Variants in TERT observed in about 807,000 individuals in gnomAD.
TERT encodes telomerase catalytic subunit.
A neutral mutation model predicts 104.0 loss-of-function variants in TERT; 42 were observed. That is an observed-to-expected ratio of 0.40 (90% CI 0.32 to 0.52). The LOEUF (loss-of-function observed/expected upper bound fraction) is 0.52. Ranked by LOEUF, TERT falls within the 20% of genes least tolerant of loss-of-function variation. The probability of loss-of-function intolerance (pLI) is 0.43; values close to 1 mark genes in which losing one functional copy is unlikely to be tolerated. For missense variants in TERT, 1,101 were observed against 1,610.3 expected (o/e 0.68, Z 5.41); for synonymous variants, 781 against 725.6 (o/e 1.08, Z -1.23).
At chr5:1,271,234 G>A in intron 7 of TERT, 30 bp from the exon 8 acceptor site, 2 of 1,546,956 alleles carry the variant, frequency 1.3e-6, no homozygotes, top group African/African-American at 1.4e-5. Flanking sequence ...ACACATGGGA[G>A]TGAGCCGGTG....
intron 2 of TERT, among the ~76,000 whole-genome samples, chr5:1,285,171 C>T (rs1162726837): frequency 2.6e-5 from 3 of 115,564 alleles, no homozygotes; most frequent in Non-Finnish European, 5.4e-5. Context: ...TCCAGCTCAC[C>T]GAGGGCCTGG....
At position 1,255,030 on chromosome 5, in the gene TERT, A is replaced by G. The variant is rs538937193; in HGVS notation, c.3157+257T>C. On this transcript the variant is annotated intron_variant, in intron 14 of 15. Transcript: ENST00000310581. The surrounding 1 kb of genome is among the most constrained non-coding windows in gnomAD (Gnocchi z 6.9). ...TCCCACCATGGGGCAAACAGGAGAG[A>G]CCAGGCCCCCCAGCGCTTCCCCAGG... Among the ~76,000 whole-genome samples the G allele has an allele frequency of 6.6e-6, 1 of 152,160 alleles. No individual in the cohort carries two copies. The highest frequency in any genetic ancestry group is 1.9e-4 in the East Asian group (1 of 5,168).
At chr5:1,283,236 G>A (rs1157385437) in intron 2 of TERT, among the ~76,000 whole-genome samples, 8 of 136,872 alleles carry the variant, frequency 5.8e-5, no homozygotes, top group African/African-American at 1.1e-4. Context: ...ACCTCACCCC[G>A]GACCTGCACC....
At position 1,260,754 on chromosome 5, in the gene TERT, A is replaced by C. The variant is rs1428700373; in HGVS notation, c.2844-154T>G. On this transcript the variant is annotated intron_variant, in intron 11 of 15. Coordinates refer to ENST00000310581, the MANE Select transcript of TERT (RefSeq NM_198253.3). The stretch of plus-strand genomic sequence containing the variant: ...CCCGAGGGGGCTGGGTGCTCACTCC[A>C]TGGACTCCAAATGCTACATGCCATC... Among the ~76,000 whole-genome samples, 4 of 152,050 alleles carry C rather than the reference A, an allele frequency of 2.6e-5. No individual in the cohort carries two copies. In the East Asian group the frequency reaches 7.7e-4, roughly 29 times the overall value.
chr5:1,254,030 G>A (rs940974813), intron 15 of TERT, among the ~76,000 whole-genome samples, 199 bp from the exon 16 acceptor site: 4 of 152,206 alleles, frequency 2.6e-5, no homozygotes, highest in African/African-American at 9.6e-5. Flanking sequence ...GGCGGGGCGG[G>A]GAGAGAACTT....
chr5:1,272,418 G>A (rs1291606992), intron 6 of TERT, 138 bp from the exon 7 acceptor site: 3 of 847,000 alleles, frequency 3.5e-6, no homozygotes, highest in East Asian at 5.3e-5. Context: ...CGCCTGGGAA[G>A]CTTCTGTTTG....
chr5:1,264,745 A>C (rs978961855), intron 10 of TERT, among the ~76,000 whole-genome samples, 153 bp from the exon 11 acceptor site: 1 of 152,192 alleles, frequency 6.6e-6, no homozygotes, highest in East Asian at 1.9e-4. Context: ...GCCTGGACCC[A>C]GCCCTGCTCC....
In TERT at chr5:1,253,755, G is replaced by C. The variant is rs2126556860; in HGVS notation, c.3372C>G (p.Pro1124=). ...ALEAAANPAL[P]SDFKTILD ...AGTCCAGGATGGTCTTGAAGTCTGA[G>C]GGCAGTGCCGGGTTGGCTGCGGCCT... Residue 1124 remains proline (P), a synonymous_variant, in exon 16 of 16, where the codon CCC becomes CCG. Transcript: ENST00000310581. 1 of 1,612,138 alleles carries C rather than the reference G, an allele frequency of 6.2e-7. No homozygotes were observed. Among genetic ancestry groups the C allele is most frequent in the Non-Finnish European group, 8.5e-7 (1 of 1,179,796 alleles).
chr5:1,291,976 G>A (rs909553893), intron 2 of TERT, among the ~76,000 whole-genome samples: 1 of 152,214 alleles, frequency 6.6e-6, no homozygotes, highest in Non-Finnish European at 1.5e-5. Context: ...GGCAGCTGCC[G>A]TTCGATGGGT....
rs897032272 is a variant in TERT at position 1,255,178 on chromosome 5, G to C, written c.3157+109C>G. 4 of 1,449,036 alleles carry C rather than the reference G, an allele frequency of 2.8e-6. No homozygotes were observed. The highest frequency in any genetic ancestry group is 3.8e-6 in the Non-Finnish European group (4 of 1,058,182). The allele number at this position is 1,449,036 out of a possible 1,614,324, so 89.8% of individuals were successfully genotyped here. On this transcript the variant is annotated intron_variant, in intron 14 of 15. Coordinates refer to ENST00000310581, the MANE Select transcript of TERT (RefSeq NM_198253.3). The surrounding 1 kb of genome is among the most constrained non-coding windows in gnomAD (Gnocchi z 6.9). ...CAGTGGTTGGGTTAAACCACTTCCT[G>C]ATGCGAAAAGGGGTAAGAACTTCCT...
Position 1,293,919 on chromosome 5 carries a change from G to A in TERT, c.967C>T (p.Pro323Ser). Reference protein sequence around the residue: ...PPRPWDTPCPPVYAETKHFLY... With the variant: ...PPRPWDTPCPSVYAETKHFLY... The stretch of plus-strand genomic sequence containing the variant: ...AAGTGCTTGGTCTCGGCGTACACCG[G>A]GGGACAAGGCGTGTCCCAGGGACGT... The change falls in exon 2 of 16, where the codon CCG (proline) becomes TCG (serine). Residue 323 changes from proline (P) to serine (S), a missense_variant. Pro to Ser is a moderately conservative substitution (Grantham distance 74). Around this residue, in one of 5 missense-constraint regions of TERT, gnomAD observed 504 missense variants for 544.6 expected, o/e 0.93. Coordinates refer to ENST00000310581, the MANE Select transcript of TERT (RefSeq NM_198253.3). 1.3e-6 allele frequency: 2 copies of A among 1,542,432 alleles called. No individual in the cohort carries two copies. Among genetic ancestry groups the A allele is most frequent in the East Asian group, 2.4e-5 (1 of 40,904 alleles).
rs749827230 is a variant in TERT, at chr5:1,294,084, G to A, written c.802C>T (p.Arg268Cys). The change falls in exon 2 of 16, where the codon CGT (arginine) becomes TGT (cysteine). Residue 268 changes from arginine to cysteine, a missense_variant. Around this residue, in one of 5 missense-constraint regions of TERT, gnomAD observed 504 missense variants for 544.6 expected, o/e 0.93. Transcript: ENST00000310581. ...GCAGGTGACACCACACAGAAACCAC[G>A]GTCACTCGGTCCACGCGTCCTGCCC... ...HPGRTRGPSDRGFCVVSPARP... is the reference protein window; with the variant it reads ...HPGRTRGPSDCGFCVVSPARP... The A allele has an allele frequency of 1.3e-6, 2 of 1,590,318 alleles. No individual in the cohort carries two copies. Among genetic ancestry groups the A allele is most frequent in the South Asian group, 1.1e-5 (1 of 88,382 alleles).
At chr5:1,275,886 C>T (rs866219103) in intron 6 of TERT, among the ~76,000 whole-genome samples, 8 of 107,862 alleles carry the variant, frequency 7.4e-5, no homozygotes, top group East Asian at 3.1e-4. Context: ...CCCACAGATC[C>T]CCACCTACCC....
intron 6 of TERT, 55 bp downstream of exon 6, chr5:1,278,586 C>T (rs779022764): frequency 1.3e-5 from 21 of 1,611,676 alleles, no homozygotes; most frequent in Non-Finnish European, 1.7e-5. Flanking sequence ...ATTCTAGACA[C>T]ATTCATATCC....
At chr5:1,275,588 CCT>C (rs1346697755) in intron 6 of TERT, among the ~76,000 whole-genome samples, 7 of 152,006 alleles carry the variant, frequency 4.6e-5, no homozygotes. Context: ...CCTCCACACC[CCT>C]GACTTACTAT....
At chr5:1,271,841 A>C (rs2126616338) in intron 7 of TERT, among the ~76,000 whole-genome samples, 1 of 152,320 alleles carries the variant, frequency 6.6e-6, no homozygotes, top group Admixed American at 6.5e-5. Context: ...GACACGGCTC[A>C]AACATGGCCT....
At position 1,294,668 on chromosome 5, in the gene TERT, T is replaced by A; in HGVS notation, c.220-2A>T. The A allele has an allele frequency of 6.3e-7, 1 of 1,593,976 alleles. No homozygotes were observed. The highest frequency in any genetic ancestry group is 8.5e-7 in the Non-Finnish European group (1 of 1,178,182). On this transcript the variant is annotated splice_acceptor_variant, in intron 1 of 15. Transcript: ENST00000310581. LOFTEE classifies it high-confidence loss of function. Reference sequence around the variant, plus strand: ...CACCAGCTCCTTCAGGCAGGACACCTGCGGGGGAAGCGCCCTGAGTCGCCT... The same window carrying A: ...CACCAGCTCCTTCAGGCAGGACACCAGCGGGGGAAGCGCCCTGAGTCGCCT...
Position 1,262,551 on chromosome 5 carries a change from C to T in TERT, c.2843+1853G>A, listed in dbSNP as rs1343404179. Among the ~76,000 whole-genome samples, 4 of 152,182 alleles carry T rather than the reference C, an allele frequency of 2.6e-5. 1 individual carries two copies. Among genetic ancestry groups the T allele is most frequent in the African/African-American group, 7.2e-5 (3 of 41,440 alleles). On this transcript the variant is annotated intron_variant, in intron 11 of 15. Coordinates refer to ENST00000310581, the MANE Select transcript of TERT (RefSeq NM_198253.3). This position sits in a 1 kb window ranked among gnomAD's most constrained non-coding sequence, Gnocchi z 5.6. Reference sequence around the variant, plus strand: ...GGATGTGAGTTCACCCTGAGTATGGCGAACCACTGCCTCCACTGCTGAGCT... The same window carrying T: ...GGATGTGAGTTCACCCTGAGTATGGTGAACCACTGCCTCCACTGCTGAGCT...
rs371744235 is a variant in TERT at position 1,264,589 on chromosome 5, G to A, written c.2658C>T (p.Thr886=). 2 of 1,613,836 alleles carry A rather than the reference G, an allele frequency of 1.2e-6. No homozygotes were observed. The highest frequency in any genetic ancestry group is 1.7e-5 in the Admixed American group (1 of 60,014). ...CATACTCAGGGACACCTCGGACCAG[G>A]GTCCTAAGGCAGAGGGGCAATGTCA... is the stretch of plus-strand genomic sequence containing the variant. ...HLTHAKTFLR[T]LVRGVPEYGC... is the part of the protein sequence containing the mutation. The change falls in exon 11 of 16, where the codon ACC becomes ACT. Residue 886 remains threonine (T), a synonymous_variant. Coordinates refer to ENST00000310581, the MANE Select transcript of TERT (RefSeq NM_198253.3).
Sources: gnomAD v4.1 joint callset for allele counts (sites outside exome capture counted in the v4.1 genomes callset) on GRCh38, gnomAD v4.1.1 for gene constraint, gnomAD v4.1.1 regional missense constraint, Gnocchi (gnomAD v3.1) non-coding constraint, MANE v1.5 for transcripts, NCBI Gene and HGNC (gene_info 2026-07-23, HGNC 2026-07-21) for gene names.